ROBO2: variants seen among roughly 807,000 people sequenced by gnomAD.
The protein encoded by ROBO2 is roundabout homolog 2.
Under a neutral mutation model 160.8 loss-of-function variants are expected in ROBO2, and 53 were observed. The observed-to-expected ratio is 0.33, with a 90% CI of 0.26 to 0.41. ROBO2 has a LOEUF of 0.41. Among genes scored for constraint, ROBO2 ranks in the 10% least tolerant of loss-of-function variants. The pLI is 1.00. For synonymous variants in ROBO2, 664 were observed against 611.7 expected (o/e 1.09, Z -1.26); for missense variants, 1,577 against 1,722.4 (o/e 0.92, Z 1.49).
chr3:76,368,565 C>T (rs1162394884), intron 2 of ROBO2, among the ~76,000 whole-genome samples: 1 of 151,910 alleles, frequency 6.6e-6, no homozygotes, highest in Admixed American at 6.6e-5. Context: ...CTGACCATCT[C>T]AGCATGATCC....
chr3:76,010,395 G>T (rs1389125442), intron 2 of ROBO2, among the ~76,000 whole-genome samples: 1 of 152,174 alleles, frequency 6.6e-6, no homozygotes, highest in Non-Finnish European at 1.5e-5. Context: ...TATGAAGGAG[G>T]CTTATCCACT....
chr3:76,989,930 C>T (rs1578090066), intron 2 of ROBO2, among the ~76,000 whole-genome samples: 1 of 152,148 alleles, frequency 6.6e-6, no homozygotes, highest in Non-Finnish European at 1.5e-5. Context: ...GTTGATTATT[C>T]ACTTTTGTTG....
rs150012845 is a variant in ROBO2 at position 77,280,642 on chromosome 3, TACATGGTCTCATGAA to T, written c.388+182305_388+182319del. Among the ~76,000 whole-genome samples the T allele has an allele frequency of 5.7e-3, 869 of 152,318 alleles. 3 individuals carry two copies. Among genetic ancestry groups the T allele is most frequent in the Middle Eastern group, 0.017 (5 of 294 alleles). ...ACACGACACTAGAAAATAAGGTCATTACATGGTCTCATGAAACCCCTGCCAATCCTATGACTTGAT... is the reference window on the plus strand; with the variant it reads ...ACACGACACTAGAAAATAAGGTCATTACCCCTGCCAATCCTATGACTTGAT... On this transcript the variant is annotated intron_variant, in intron 2 of 25. Transcript: ENST00000461745.
chr3:76,787,760 A>T (rs1233640049), intron 2 of ROBO2, among the ~76,000 whole-genome samples: 2 of 151,468 alleles, frequency 1.3e-5, no homozygotes, highest in Non-Finnish European at 3.0e-5. Flanking sequence ...AGACCAAAAT[A>T]TCAACAATTA....
chr3:77,387,625 A>G (rs2074272419), intron 2 of ROBO2, among the ~76,000 whole-genome samples: 1 of 151,934 alleles, frequency 6.6e-6, no homozygotes, highest in South Asian at 2.1e-4. Context: ...TTGAGACCCC[A>G]ATTCACTCTA....
chr3:76,763,444 T>C (rs1163869959), intron 2 of ROBO2, among the ~76,000 whole-genome samples: 3 of 151,758 alleles, frequency 2.0e-5, no homozygotes, highest in Admixed American at 1.3e-4. Flanking sequence ...AGCTGTCCAT[T>C]ATTTATTTCA....
At chr3:77,271,987 A>T (rs1005843773) in intron 2 of ROBO2, among the ~76,000 whole-genome samples, 1 of 152,216 alleles carries the variant, frequency 6.6e-6, no homozygotes, top group Non-Finnish European at 1.5e-5. Flanking sequence ...GTGTACAAAG[A>T]AGCACTTAAT....
At chr3:76,649,770 T>C (rs764007475) in intron 2 of ROBO2, among the ~76,000 whole-genome samples, 1 of 152,134 alleles carries the variant, frequency 6.6e-6, no homozygotes, top group Non-Finnish European at 1.5e-5. Flanking sequence ...TGGATATGAA[T>C]AGGTATCAGG....
intron 2 of ROBO2, among the ~76,000 whole-genome samples, chr3:77,110,001 C>T (rs993292795): frequency 2.0e-5 from 3 of 152,090 alleles, no homozygotes; most frequent in South Asian, 2.1e-4. Flanking sequence ...TGGGATATGA[C>T]GGAAAGAAAC....
chr3:76,734,708 C>G (rs1444698925), intron 2 of ROBO2, among the ~76,000 whole-genome samples: 1 of 152,130 alleles, frequency 6.6e-6, no homozygotes, highest in Non-Finnish European at 1.5e-5. Flanking sequence ...TCTTCAATAA[C>G]TAAAATTGCC....
chr3:77,000,780 T>C (rs1271015471), intron 2 of ROBO2, among the ~76,000 whole-genome samples: 1 of 152,156 alleles, frequency 6.6e-6, no homozygotes, highest in African/African-American at 2.4e-5. Flanking sequence ...GAAATGCATA[T>C]ATAAACTGAT....
chr3:77,190,158 G>C (rs1402967752), intron 2 of ROBO2, among the ~76,000 whole-genome samples: 1 of 151,848 alleles, frequency 6.6e-6, no homozygotes, highest in Non-Finnish European at 1.5e-5. Context: ...TGTTTCTAAA[G>C]AATGCATGAA....
chr3:77,366,201 G>C (rs2070845532), intron 2 of ROBO2, among the ~76,000 whole-genome samples: 1 of 152,144 alleles, frequency 6.6e-6, no homozygotes, highest in Non-Finnish European at 1.5e-5. Context: ...GTCTTTTAGA[G>C]AATGTGACTA....
intron 2 of ROBO2, among the ~76,000 whole-genome samples, chr3:77,264,822 G>C (rs1222211183): frequency 3.3e-5 from 5 of 152,062 alleles, no homozygotes; most frequent in Admixed American, 6.6e-5. Context: ...TCTGAATAGA[G>C]AGTTGTCTTT....
At chr3:77,132,209 G>A (rs1325847330) in intron 2 of ROBO2, among the ~76,000 whole-genome samples, 2 of 151,974 alleles carry the variant, frequency 1.3e-5, no homozygotes, top group African/African-American at 4.8e-5. Flanking sequence ...ATTGAATGAT[G>A]ATGTTTAATA....
rs1447661219 is a variant in ROBO2, at chr3:76,473,062, C to T, written c.109+535460C>T. ...CCATAAGGCTTCATAATGAACAAAG[C>T]CGAGGAACTGTCAAAATGAATGCAA... On this transcript the variant is annotated intron_variant, in intron 2 of 26. Coordinates refer to the ROBO2 transcript ENST00000487694. Among the ~76,000 whole-genome samples the T allele has an allele frequency of 3.9e-5, 6 of 152,222 alleles. No homozygotes were observed. The East Asian group carries it at 1.2e-3, about 29-fold the overall frequency.
intron 2 of ROBO2, among the ~76,000 whole-genome samples, chr3:76,719,394 G>A (rs2093430607): frequency 6.6e-6 from 1 of 152,098 alleles, no homozygotes; most frequent in Non-Finnish European, 1.5e-5. Flanking sequence ...GTGTGCAGTT[G>A]TCACAATCAC....
intron 2 of ROBO2, among the ~76,000 whole-genome samples, chr3:77,289,987 A>C (rs2060985283): frequency 6.6e-6 from 1 of 152,078 alleles, no homozygotes; most frequent in African/African-American, 2.4e-5. Flanking sequence ...TGATGGTTAA[A>C]CGGGTAAACT....
Position 76,688,626 on chromosome 3 carries a change from T to TGC in ROBO2, c.110-409387_110-409386dup, listed in dbSNP as rs1020091449. 7.9e-5 allele frequency among the ~76,000 whole-genome samples: 12 copies of TGC among 151,314 alleles called. No individual in the cohort carries two copies. In the East Asian group the frequency reaches 9.7e-4, roughly 12 times the overall value. ...TGGTGTGTGTGTGTGTGTGTGTGTG[T>TGC]GCATGCAAGAAACCAAGAACAGCGC... On this transcript the variant is annotated intron_variant, in intron 2 of 26. Transcript: ENST00000487694.
Sources: gnomAD v4.1 joint callset for allele counts (sites outside exome capture counted in the v4.1 genomes callset) on GRCh38, gnomAD v4.1.1 for gene constraint, MANE v1.5 for transcripts, NCBI Gene and HGNC (gene_info 2026-07-23, HGNC 2026-07-21) for gene names.